The following SBF2 variants were observed in gnomAD, a reference collection of about 807,000 sequenced individuals.
The protein encoded by SBF2 is SET binding factor 2.
A neutral mutation model predicts 225.2 loss-of-function variants in SBF2; 112 were observed. The observed-to-expected ratio is 0.50, with a 90% CI of 0.43 to 0.58. The LOEUF is 0.58. Ranked by LOEUF, SBF2 falls within the 20% of genes least tolerant of loss-of-function variation. SBF2 has a pLI of 0.00. For missense variants in SBF2, 1,996 were observed against 2,206.2 expected, an observed-to-expected ratio of 0.90 and a Z score of 1.91; for synonymous variants, 763 against 773.3, an observed-to-expected ratio of 0.99 and a Z score of 0.22.
intron 8 of SBF2, among the ~76,000 whole-genome samples, chr11:9,999,326 TATG>T (rs1173638103): frequency 6.7e-5 from 9 of 134,106 alleles, no homozygotes; most frequent in East Asian, 4.6e-4. Flanking sequence ...TGTATGTATG[TATG>T]TATTTATTTT....
chr11:9,798,120 T>A (rs1325282266), intron 32 of SBF2, among the ~76,000 whole-genome samples: 1 of 152,230 alleles, frequency 6.6e-6, no homozygotes, highest in Non-Finnish European at 1.5e-5. Flanking sequence ...TCTATGTGTG[T>A]CTCAGTAGTC....
chr11:9,938,224 G>C (rs1046273300), intron 16 of SBF2, among the ~76,000 whole-genome samples: 6 of 151,836 alleles, frequency 4.0e-5, no homozygotes, highest in African/African-American at 1.2e-4. Flanking sequence ...CCGGCAGGTG[G>C]AGCTTGCAGT....
At chr11:10,262,101 GA>G (rs1215186193) in intron 1 of SBF2, among the ~76,000 whole-genome samples, 1 of 149,942 alleles carries the variant, frequency 6.7e-6, no homozygotes, top group Non-Finnish European at 1.5e-5. Context: ...TGCATCAAAA[GA>G]AAAAAAAAGT....
chr11:9,990,051 G>C (rs923140795), intron 12 of SBF2, among the ~76,000 whole-genome samples: 1 of 152,064 alleles, frequency 6.6e-6, no homozygotes, highest in Non-Finnish European at 1.5e-5. Flanking sequence ...TCTAAAATAA[G>C]ATGGAAGAAC....
intron 1 of SBF2, among the ~76,000 whole-genome samples, chr11:10,270,313 TA>T (rs1565420665): frequency 6.6e-6 from 1 of 152,112 alleles, no homozygotes; most frequent in African/African-American, 2.4e-5. Context: ...ACAGATAACA[TA>T]AATGGTAGAT....
chr11:9,947,000 A>C (rs1046861110), intron 16 of SBF2, among the ~76,000 whole-genome samples: 5 of 152,230 alleles, frequency 3.3e-5, no homozygotes, highest in African/African-American at 1.2e-4. Flanking sequence ...AGGAGAAATG[A>C]AACTTAAGGA....
At chr11:10,186,038 A>G (rs1956923695) in intron 2 of SBF2, among the ~76,000 whole-genome samples, 1 of 152,226 alleles carries the variant, frequency 6.6e-6, no homozygotes, top group Non-Finnish European at 1.5e-5. Flanking sequence ...GAAATTAGGC[A>G]TGAACGAGCT....
chr11:10,105,836 C>T (rs1952523143), intron 2 of SBF2, among the ~76,000 whole-genome samples: 1 of 152,140 alleles, frequency 6.6e-6, no homozygotes, highest in Non-Finnish European at 1.5e-5. Context: ...TCTAAAAATA[C>T]AATCTAATGC....
intron 17 of SBF2, among the ~76,000 whole-genome samples, chr11:9,876,015 A>G (rs1049107451): frequency 6.6e-6 from 1 of 152,124 alleles, no homozygotes; most frequent in Admixed American, 6.5e-5. Context: ...GAAAAGAAAC[A>G]TAACAAAGGT....
chr11:9,849,065 G>A (rs926559038), intron 22 of SBF2, among the ~76,000 whole-genome samples: 1 of 152,156 alleles, frequency 6.6e-6, no homozygotes, highest in South Asian at 2.1e-4. Flanking sequence ...TTAGCCCAGT[G>A]GTTCTCAATC....
chr11:9,845,430 G>T, intron 24 of SBF2, 135 bp downstream of exon 24: 1 of 818,348 alleles, frequency 1.2e-6, no homozygotes, highest in Non-Finnish European at 2.1e-6. Context: ...TTATGATCTT[G>T]GCCCCATGGG....
intron 2 of SBF2, among the ~76,000 whole-genome samples, chr11:10,155,355 T>C (rs1322052781): frequency 2.0e-5 from 3 of 152,130 alleles, no homozygotes; most frequent in African/African-American, 4.8e-5. Context: ...TGTAACACTG[T>C]TGCCATGCTC....
intron 2 of SBF2, among the ~76,000 whole-genome samples, chr11:10,147,683 T>C (rs1353420851): frequency 2.6e-5 from 4 of 152,120 alleles, no homozygotes; most frequent in Non-Finnish European, 5.9e-5. Flanking sequence ...AATTTACCTA[T>C]ATAAAAAACC....
At chr11:10,274,819 A>C (rs978929676) in intron 1 of SBF2, among the ~76,000 whole-genome samples, 1 of 152,126 alleles carries the variant, frequency 6.6e-6, no homozygotes, top group Non-Finnish European at 1.5e-5. Flanking sequence ...ATTCATTGTG[A>C]TAAGATCTGT....
At chr11:10,296,518 C>T (rs573278064), upstream of SBF2, among the ~76,000 whole-genome samples, 6 of 152,208 alleles carry the variant, frequency 3.9e-5, no homozygotes, top group South Asian at 1.2e-3. Context: ...TACCTTCCAC[C>T]GGATCCCTCC....
At chr11:10,126,033 A>C (rs953476116) in intron 2 of SBF2, among the ~76,000 whole-genome samples, 1 of 152,136 alleles carries the variant, frequency 6.6e-6, no homozygotes, top group African/African-American at 2.4e-5. Flanking sequence ...GGTGATGTGA[A>C]TCTTGGTTAC....
chr11:9,974,728 C>T (rs528218354), intron 13 of SBF2, among the ~76,000 whole-genome samples: 2 of 149,998 alleles, frequency 1.3e-5, no homozygotes, highest in Admixed American at 6.6e-5. Context: ...CAGCACTTTG[C>T]GAGGCCGAGG....
rs775746690 is a variant in SBF2 at position 9,842,651 on chromosome 11, C to G, written c.3230G>C (p.Gly1077Ala). 9 of 1,613,972 alleles carry G rather than the reference C, an allele frequency of 5.6e-6. No individual in the cohort carries two copies. In the African/African-American group the frequency reaches 1.1e-4, roughly 19 times the overall value. ...TIVEERVNRP[G>A]WNEDDDVSVS... Reference sequence around the variant, plus strand: ...AGATACATCATCATCTTCATTCCATCCAGGACGATTTACTCTTTCTTCCAC... The same window carrying G: ...AGATACATCATCATCTTCATTCCATGCAGGACGATTTACTCTTTCTTCCAC... The change falls in exon 25 of 40, where the codon GGA becomes GCA. Residue 1077 changes from glycine to alanine, a missense_variant. Transcript: ENST00000256190.
chr11:9,789,117 G>A lies in SBF2; in HGVS notation c.4924C>T (p.Leu1642Phe), dbSNP rs779071093. 1 of 1,614,044 alleles carries A rather than the reference G, an allele frequency of 6.2e-7. No homozygotes were observed. Residue 1642 changes from leucine to phenylalanine, a missense_variant, in exon 35 of 40, where the codon CTT becomes TTT. Transcript: ENST00000256190. Reference protein sequence around the residue: ...SCTQPDALTSLFSEIEKLEHK... With the variant: ...SCTQPDALTSFFSEIEKLEHK... ...GTCTACAGTTGACTTACACTGAAAA[G>A]GCTGGTGAGAGCATCAGGCTGAGTA...
Sources: gnomAD v4.1 joint callset for allele counts (sites outside exome capture counted in the v4.1 genomes callset) on GRCh38, gnomAD v4.1.1 for gene constraint, MANE v1.5 for transcripts, NCBI Gene and HGNC (gene_info 2026-07-23, HGNC 2026-07-21) for gene names.